Variants in DRC11 observed in about 807,000 individuals in gnomAD.
The protein encoded by DRC11 is IQ and AAA domain-containing protein 1.
At chr2:236,418,462 A>C in the DRC11 span, among the ~76,000 whole-genome samples, 1 of 152,220 alleles carries the variant, frequency 6.6e-6, no homozygotes, top group African/African-American at 2.4e-5. Context: ...TACTTCAAAC[A>C]TAGTCATGTT....
the DRC11 span, among the ~76,000 whole-genome samples, chr2:236,325,981 G>GT: frequency 2.0e-5 from 3 of 152,160 alleles, no homozygotes; most frequent in Non-Finnish European, 4.4e-5. This position sits in a 1 kb window ranked among gnomAD's most constrained non-coding sequence, Gnocchi z 4.4. Context: ...GCAGATAGTT[G>GT]TTTTTCCTTA....
the DRC11 span, chr2:236,503,820 T>A: frequency 1.1e-6 from 1 of 883,956 alleles, no homozygotes. This position sits in a 1 kb window ranked among gnomAD's most constrained non-coding sequence, Gnocchi z 4.9. Context: ...GCCCCCACTT[T>A]GCGCTCAGCC....
the DRC11 span, among the ~76,000 whole-genome samples, chr2:236,416,647 C>T: frequency 6.1e-5 from 9 of 148,004 alleles, no homozygotes; most frequent in African/African-American, 1.2e-4. Flanking sequence ...TGCCTTCAGT[C>T]GGCCAGCCGC....
At chr2:236,325,645 G>A in the DRC11 span, among the ~76,000 whole-genome samples, 1 of 150,718 alleles carries the variant, frequency 6.6e-6, no homozygotes, top group African/African-American at 2.4e-5. The surrounding 1 kb of genome is among the most constrained non-coding windows in gnomAD (Gnocchi z 4.4). Flanking sequence ...CTCTGTAGCC[G>A]AGGCTGGAGT....
the DRC11 span, among the ~76,000 whole-genome samples, chr2:236,418,215 T>C: frequency 6.6e-6 from 1 of 152,236 alleles, no homozygotes; most frequent in African/African-American, 2.4e-5. Flanking sequence ...TTCCTATTTC[T>C]CCACAGCCTT....
chr2:236,491,178 TATAC>T, the DRC11 span, among the ~76,000 whole-genome samples: 274 of 52,086 alleles, frequency 5.3e-3, 9 homozygotes, highest in African/African-American at 0.019. Flanking sequence ...TATATATATA[TATAC>T]ACACAGTATA....
At chr2:236,402,935 ATC>A in the DRC11 span, among the ~76,000 whole-genome samples, 9 of 152,178 alleles carry the variant, frequency 5.9e-5, no homozygotes, top group African/African-American at 1.2e-4. The surrounding 1 kb of genome is among the most constrained non-coding windows in gnomAD (Gnocchi z 6.0). Flanking sequence ...ATTATTTATC[ATC>A]TGTCTGTCTG....
the DRC11 span, among the ~76,000 whole-genome samples, chr2:236,402,072 C>G: frequency 9.2e-5 from 14 of 152,196 alleles, no homozygotes; most frequent in Non-Finnish European, 1.8e-4. The surrounding 1 kb of genome is among the most constrained non-coding windows in gnomAD (Gnocchi z 6.0). Flanking sequence ...CAGTGCGTGC[C>G]CCAGGTGGCT....
the DRC11 span, among the ~76,000 whole-genome samples, chr2:236,439,908 T>G: frequency 2.0e-5 from 3 of 152,188 alleles, no homozygotes; most frequent in African/African-American, 7.2e-5. Context: ...TTATCATTAT[T>G]AAGAAAAACT....
chr2:236,410,400 G>A, the DRC11 span, among the ~76,000 whole-genome samples: 233 of 152,076 alleles, frequency 1.5e-3, no homozygotes, highest in African/African-American at 5.5e-3. Context: ...AAAAGAGGAT[G>A]CAAACAAATG....
chr2:236,467,241 T>C, the DRC11 span, among the ~76,000 whole-genome samples: 1 of 152,234 alleles, frequency 6.6e-6, no homozygotes, highest in Admixed American at 6.5e-5. Context: ...CTTTCTATTA[T>C]TTCTTTTTCT....
chr2:236,477,771 T>C, the DRC11 span, among the ~76,000 whole-genome samples: 1 of 152,164 alleles, frequency 6.6e-6, no homozygotes, highest in Non-Finnish European at 1.5e-5. Context: ...TGGTAGGTTG[T>C]ACATGTCCAG....
chr2:236,316,177 T>TCTC, the DRC11 span, among the ~76,000 whole-genome samples: 4 of 131,922 alleles, frequency 3.0e-5, no homozygotes, highest in African/African-American at 1.4e-4. This position sits in a 1 kb window ranked among gnomAD's most constrained non-coding sequence, Gnocchi z 6.8. Context: ...CTCTCTCTCT[T>TCTC]TTTGAGATGG....
At chr2:236,465,506 T>C in the DRC11 span, 1 of 1,611,836 alleles carries the variant, frequency 6.2e-7, no homozygotes, top group Non-Finnish European at 8.5e-7. This position sits in a 1 kb window ranked among gnomAD's most constrained non-coding sequence, Gnocchi z 6.2. Context: ...CATGTTCACC[T>C]GCATTCGATG....
the DRC11 span, among the ~76,000 whole-genome samples, chr2:236,357,722 T>C: frequency 4.7e-5 from 6 of 126,396 alleles, no homozygotes; most frequent in Non-Finnish European, 9.3e-5. Flanking sequence ...GTATTTATAA[T>C]ATATAAATAT....
the DRC11 span, among the ~76,000 whole-genome samples, chr2:236,414,939 C>G: frequency 6.6e-6 from 1 of 152,160 alleles, no homozygotes; most frequent in Non-Finnish European, 1.5e-5. Flanking sequence ...TGGAAATTCA[C>G]ACAGAAACAC....
At chr2:236,388,642 G>C in the DRC11 span, among the ~76,000 whole-genome samples, 3 of 146,518 alleles carry the variant, frequency 2.0e-5, no homozygotes, top group African/African-American at 5.0e-5. Context: ...TTGATCGTCT[G>C]AAGCCTTCTT....
the DRC11 span, chr2:236,441,146 A>G: frequency 6.8e-7 from 1 of 1,480,804 alleles, no homozygotes; most frequent in Non-Finnish European, 9.2e-7. Context: ...AAAATAGCAA[A>G]TTAAAATGGA....
At chr2:236,321,097 G>A in the DRC11 span, among the ~76,000 whole-genome samples, 8,771 of 152,216 alleles carry the variant, frequency 0.058, 758 homozygotes, top group African/African-American at 0.19. Context: ...CCAAATGAAA[G>A]ACTCACAGGT....
Sources: gnomAD v4.1 joint callset for allele counts (sites outside exome capture counted in the v4.1 genomes callset) on GRCh38, gnomAD v4.1.1 for gene constraint, Gnocchi (gnomAD v3.1) non-coding constraint, MANE v1.5 for transcripts, NCBI Gene and HGNC (gene_info 2026-07-23, HGNC 2026-07-21) for gene names.